TCF4: variants seen among roughly 807,000 people sequenced by gnomAD.
TCF4 encodes transcription factor 4.
TCF4 carries 3 observed loss-of-function variants against 82.1 expected under a neutral mutation model. That is an observed-to-expected ratio of 0.04 (90% confidence interval 0.02 to 0.09). The LOEUF (loss-of-function observed/expected upper bound fraction) is 0.09, where lower values mean the gene tolerates loss of function less well. Ranked by LOEUF, TCF4 falls within the 10% of genes least tolerant of loss-of-function variation. TCF4 has a pLI of 1.00. For synonymous variants in TCF4, 276 were observed against 309.6 expected (o/e 0.89, Z 1.14); for missense variants, 518 against 852.7 (o/e 0.61, Z 4.89).
rs1247955337 is a variant in TCF4, at chr18:55,633,740, A to G, written c.195+1963T>C. 6.6e-6 allele frequency among the ~76,000 whole-genome samples: 1 copy of G among 152,120 alleles called. No individual in the cohort carries two copies. Among genetic ancestry groups the G allele is most frequent in the African/African-American group, 2.4e-5 (1 of 41,406 alleles). Reference sequence around the variant, plus strand: ...AATAATTCACCTTTGCTGTTGTAGCATACTTAATGACAATACTTAAATGAA... The same window carrying G: ...AATAATTCACCTTTGCTGTTGTAGCGTACTTAATGACAATACTTAAATGAA... On this transcript the variant is annotated intron_variant, in intron 1 of 20. Transcript: ENST00000398339. The surrounding 1 kb of genome is among the most constrained non-coding windows in gnomAD (Gnocchi z 4.0).
At chr18:55,383,313 A>C (rs1307509143) in intron 6 of TCF4, among the ~76,000 whole-genome samples, 1 of 152,230 alleles carries the variant, frequency 6.6e-6, no homozygotes, top group East Asian at 1.9e-4. Flanking sequence ...TGCAAAGCAA[A>C]GAAAGAGTAA....
At chr18:55,370,453 ATAG>A (rs2088726154) in intron 6 of TCF4, among the ~76,000 whole-genome samples, 1 of 151,970 alleles carries the variant, frequency 6.6e-6, no homozygotes, top group Non-Finnish European at 1.5e-5. Flanking sequence ...AGATAGATAG[ATAG>A]ATAGATAGAT....
At chr18:55,384,440 G>C (rs1050675516) in intron 6 of TCF4, among the ~76,000 whole-genome samples, 1 of 152,142 alleles carries the variant, frequency 6.6e-6, no homozygotes, top group Non-Finnish European at 1.5e-5. Context: ...CCTACCCCCA[G>C]TGTCATCAGT....
At chr18:55,584,079 A>AC (rs1230606265) in intron 3 of TCF4, among the ~76,000 whole-genome samples, 1 of 152,164 alleles carries the variant, frequency 6.6e-6, no homozygotes, top group African/African-American at 2.4e-5. Flanking sequence ...ATCGAGACAC[A>AC]AATTCCCTAA....
At chr18:55,330,821 C>G (rs1475502398) in intron 8 of TCF4, among the ~76,000 whole-genome samples, 2 of 152,176 alleles carry the variant, frequency 1.3e-5, no homozygotes, top group African/African-American at 4.8e-5. Context: ...CCCGCCCCGG[C>G]CTCCCAAAGT....
At chr18:55,576,878 A>G (rs2097532215) in intron 3 of TCF4, among the ~76,000 whole-genome samples, 1 of 151,774 alleles carries the variant, frequency 6.6e-6, no homozygotes, top group African/African-American at 2.4e-5. Flanking sequence ...TTTTCAGCTC[A>G]TCAACTATCG....
chr18:55,556,795 TGTTA>T (rs2097308235), intron 3 of TCF4, among the ~76,000 whole-genome samples: 1 of 152,258 alleles, frequency 6.6e-6, no homozygotes, highest in Non-Finnish European at 1.5e-5. Flanking sequence ...ACCTCATTAC[TGTTA>T]TTCAGTTCAG....
At chr18:55,508,146 AC>A (rs1261532212) in intron 3 of TCF4, among the ~76,000 whole-genome samples, 1 of 151,868 alleles carries the variant, frequency 6.6e-6, no homozygotes, top group African/African-American at 2.4e-5. Context: ...ACTTTCTCCC[AC>A]CCCCCACCAA....
At chr18:55,232,938 G>A (rs1328249635) in intron 16 of TCF4, among the ~76,000 whole-genome samples, 1 of 152,158 alleles carries the variant, frequency 6.6e-6, no homozygotes, top group Non-Finnish European at 1.5e-5. Flanking sequence ...TAATTGCAAT[G>A]AAAATCATAA....
At chr18:55,538,486 A>C (rs1233020290) in intron 3 of TCF4, among the ~76,000 whole-genome samples, 1 of 152,200 alleles carries the variant, frequency 6.6e-6, no homozygotes, top group African/African-American at 2.4e-5. Flanking sequence ...GTAACACTGT[A>C]GTTGGGGCCT....
chr18:55,409,469 G>A (rs2094246724), intron 5 of TCF4, among the ~76,000 whole-genome samples: 2 of 152,088 alleles, frequency 1.3e-5, no homozygotes, highest in African/African-American at 2.4e-5. Context: ...GCTCTCCAGA[G>A]GAGCTGGGAT....
intron 11 of TCF4, chr18:55,266,930 G>C (rs1245163238): frequency 2.6e-5 from 4 of 152,106 alleles, no homozygotes; most frequent in Admixed American, 6.5e-5. Flanking sequence ...CGTTGTTCTA[G>C]TGTCAGTTCA....
intron 5 of TCF4, 122 bp downstream of exon 5, chr18:55,460,897 C>A (rs1283786020): frequency 1.2e-6 from 1 of 819,386 alleles, no homozygotes; most frequent in African/African-American, 1.7e-5. Context: ...AAGATTATTA[C>A]AAGTGAACTG....
At chr18:55,355,002 G>A (rs1166781564) in intron 6 of TCF4, among the ~76,000 whole-genome samples, 2 of 152,138 alleles carry the variant, frequency 1.3e-5, no homozygotes, top group Non-Finnish European at 2.9e-5. Flanking sequence ...ACCAGATTAA[G>A]CTCTTTTTCT....
chr18:55,332,963 T>C (rs2077882536), intron 8 of TCF4, among the ~76,000 whole-genome samples: 1 of 152,204 alleles, frequency 6.6e-6, no homozygotes, highest in African/African-American at 2.4e-5. Context: ...ACTTAAGATC[T>C]AAATACACAG....
At chr18:55,585,107 C>A (rs969570857) in intron 3 of TCF4, among the ~76,000 whole-genome samples, 173 bp downstream of exon 3, 6 of 152,082 alleles carry the variant, frequency 3.9e-5, no homozygotes, top group Non-Finnish European at 7.4e-5. Flanking sequence ...TTTAATCGCA[C>A]AAGATAACAT....
chr18:55,313,209 T>C (rs1025927415), intron 8 of TCF4, among the ~76,000 whole-genome samples: 1 of 152,176 alleles, frequency 6.6e-6, no homozygotes, highest in African/African-American at 2.4e-5. Context: ...ATGGAAGTAT[T>C]AACTCAGGAA....
chr18:55,228,981 C>T lies in TCF4; in HGVS notation c.1745G>A (p.Arg582His). The change falls in exon 18 of 20, where the codon CGT becomes CAT. Residue 582 changes from arginine to histidine, a missense_variant. By Grantham distance (29) the Arg-to-His change is conservative. Transcript: ENST00000354452. ...CTCTTTGAAAGCCTCGTTGATGTCA[C>T]GGACCCGCAGACGCTCTCGGGCATT... is the stretch of plus-strand genomic sequence containing the variant. The part of the protein sequence containing the change: ...ANNARERLRV[R>H]DINEAFKELG... The T allele has an allele frequency of 6.2e-7, 1 of 1,614,188 alleles. No homozygotes were observed. Among genetic ancestry groups the T allele is most frequent in the Non-Finnish European group, 8.5e-7 (1 of 1,180,020 alleles).
intron 3 of TCF4, among the ~76,000 whole-genome samples, chr18:55,573,728 T>C (rs555116281): frequency 2.0e-5 from 3 of 152,300 alleles, no homozygotes; most frequent in Non-Finnish European, 4.4e-5. Context: ...GATATCCCTA[T>C]TGCAAACTCT....
Sources: allele counts gnomAD v4.1 joint callset (sites outside exome capture counted in the v4.1 genomes callset), GRCh38; gene constraint gnomAD v4.1.1; non-coding constraint Gnocchi (gnomAD v3.1); transcripts MANE v1.5; gene names NCBI Gene and HGNC (gene_info 2026-07-23, HGNC 2026-07-21).